The following LARP4 variants were observed in gnomAD, a reference collection of about 807,000 sequenced individuals.
LARP4 encodes the protein la-related protein 4.
In LARP4, 29 loss-of-function variants were observed where a neutral mutation model predicts 92.9. That is an observed-to-expected ratio of 0.31 (90% confidence interval 0.23 to 0.43). LARP4 has a LOEUF of 0.43. LARP4 is among the 20% of genes least tolerant of loss of function. The pLI, the probability that LARP4 is intolerant of heterozygous loss-of-function variation, is 1.00. For missense variants in LARP4, 732 were observed against 860.0 expected (o/e 0.85, Z 1.86); for synonymous variants, 279 against 284.1 (o/e 0.98, Z 0.18).
Position 50,476,850 on chromosome 12 carries a change from C to T in LARP4, c.*986C>T, listed in dbSNP as rs895418073. ...GTCTAGTCAAATCATATAAATTGTT[C>T]TAAATTTCAGAATTGAACATTGAAG... On this transcript the variant is annotated 3_prime_UTR_variant, in exon 16 of 16. Coordinates refer to ENST00000398473, the MANE Select transcript of LARP4 (RefSeq NM_052879.5). 20 of 152,442 alleles carry T rather than the reference C, an allele frequency of 1.3e-4. No homozygotes were observed. Among genetic ancestry groups the T allele is most frequent in the Non-Finnish European group, 2.4e-4 (16 of 68,014 alleles). 9.4% of individuals were successfully genotyped at this position (152,442 alleles called of 1,614,324 possible).
intron 8 of LARP4, among the ~76,000 whole-genome samples, chr12:50,443,127 A>G (rs1282366669): frequency 1.3e-5 from 2 of 152,148 alleles, no homozygotes; most frequent in East Asian, 3.8e-4. Flanking sequence ...ATTTTTCCCC[A>G]TATATGGAAA....
At chr12:50,438,876 AAAG>A (rs1950814644) in intron 6 of LARP4, among the ~76,000 whole-genome samples, 2 of 152,250 alleles carry the variant, frequency 1.3e-5, no homozygotes, top group Admixed American at 6.5e-5. Flanking sequence ...GATATACATT[AAAG>A]AAGATGAGGA....
intron 1 of LARP4, among the ~76,000 whole-genome samples, chr12:50,403,367 T>C (rs1217285457): frequency 1.3e-5 from 2 of 152,240 alleles, no homozygotes; most frequent in Non-Finnish European, 2.9e-5. Flanking sequence ...GTATGTGACC[T>C]TGTCACCAAG....
intron 1 of LARP4, among the ~76,000 whole-genome samples, chr12:50,421,551 A>G (rs1056508868): frequency 1.3e-4 from 19 of 151,992 alleles, no homozygotes; most frequent in African/African-American, 1.9e-4. Context: ...CTGAGGCAGG[A>G]GGAGAATCGC....
chr12:50,467,022 A>G lies in LARP4; in HGVS notation c.1447A>G (p.Asn483Asp). ...PTPKFDLLAS[N>D]FPPLPGSSSR... ...ACCAAAGTTTGACTTATTAGCCTCA[A>G]ATTTTCCACCTTTACCTGGAAGTTC... Residue 483 changes from asparagine to aspartate, a missense_variant, in exon 13 of 16, where the codon AAT becomes GAT. Asn to Asp is a conservative substitution (Grantham distance 23, BLOSUM62 1). This residue lies in a region of LARP4 where 264 missense variants were observed against 269.5 expected (regional missense o/e 0.98). Transcript: ENST00000398473. 6.2e-7 allele frequency: 1 copy of G among 1,613,774 alleles called. No homozygotes were observed. Among genetic ancestry groups the G allele is most frequent in the South Asian group, 1.1e-5 (1 of 91,050 alleles).
At chr12:50,428,231 T>C (rs1462507384) in intron 2 of LARP4, among the ~76,000 whole-genome samples, 1 of 152,088 alleles carries the variant, frequency 6.6e-6, no homozygotes. Flanking sequence ...TTTCACCATA[T>C]TGGCCAGGCT....
chr12:50,461,803 C>G (rs751552753), intron 11 of LARP4, among the ~76,000 whole-genome samples: 12 of 151,884 alleles, frequency 7.9e-5, no homozygotes, highest in Non-Finnish European at 1.2e-4. Context: ...TGAAAAAATA[C>G]AAAAATTAGC....
Position 50,461,320 on chromosome 12 carries a change from A to C in LARP4, c.1307A>C (p.Glu436Ala). ...LQKETSTLQV[E>A]QNGDYGRGRR... ...AAGGAGACTTCCACTTTGCAGGTGG[A>C]ACAGAATGGGGACTATGGTAGGGGC... The change falls in exon 11 of 16, where the codon GAA becomes GCA. Residue 436 changes from glutamate to alanine, a missense_variant. Physicochemically the swap from Glu to Ala is moderately radical, Grantham distance 107. Transcript: ENST00000398473. 1.9e-6 allele frequency: 3 copies of C among 1,614,132 alleles called. No individual in the cohort carries two copies. Among genetic ancestry groups the C allele is most frequent in the Non-Finnish European group, 2.5e-6 (3 of 1,180,012 alleles).
At position 50,421,073 on chromosome 12, in the gene LARP4, C is replaced by T. The variant is rs574209950; in HGVS notation, c.19-6689C>T. Among the ~76,000 whole-genome samples the T allele has an allele frequency of 9.9e-5, 15 of 150,892 alleles. No homozygotes were observed. In the South Asian group the frequency reaches 3.2e-3, roughly 32 times the overall value. On this transcript the variant is annotated intron_variant, in intron 1 of 15. Coordinates refer to ENST00000398473, the MANE Select transcript of LARP4 (RefSeq NM_052879.5). The stretch of plus-strand genomic sequence containing the variant: ...CAAGCGATTCTACTGCCTCAGCTTC[C>T]CAAGTAGCTGGGACTGCAGGTGCAT...
Position 50,476,840 on chromosome 12 carries a change from A to G in LARP4, c.*976A>G, listed in dbSNP as rs1196650415. 1 of 152,612 alleles carries G rather than the reference A, an allele frequency of 6.6e-6. No homozygotes were observed. The highest frequency in any genetic ancestry group is 1.5e-5 in the Non-Finnish European group (1 of 68,032). 9.5% of individuals were successfully genotyped at this position (152,612 alleles called of 1,614,324 possible). ...GCTTTGAGCAGTCTAGTCAAATCATATAAATTGTTCTAAATTTCAGAATTG... is the reference window on the plus strand; with the variant it reads ...GCTTTGAGCAGTCTAGTCAAATCATGTAAATTGTTCTAAATTTCAGAATTG... On this transcript the variant is annotated 3_prime_UTR_variant, in exon 16 of 16. Transcript: ENST00000398473.
chr12:50,461,589 C>T (rs1210328503), intron 11 of LARP4: 10 of 420,122 alleles, frequency 2.4e-5, no homozygotes, highest in African/African-American at 8.3e-5. Context: ...TTCCTTATAG[C>T]TCATATAAGA....
chr12:50,405,013 C>T (rs1299033517), intron 1 of LARP4, among the ~76,000 whole-genome samples: 1 of 151,420 alleles, frequency 6.6e-6, no homozygotes, highest in East Asian at 1.9e-4. Flanking sequence ...GCCTCAGCCT[C>T]CCTAGTAGCT....
intron 4 of LARP4, among the ~76,000 whole-genome samples, chr12:50,432,279 ACT>A (rs1225561577): frequency 6.6e-6 from 1 of 152,174 alleles, no homozygotes; most frequent in Admixed American, 6.5e-5. Context: ...AGGTGATATA[ACT>A]CTAGACAGAG....
At chr12:50,439,967 G>A (rs952853572) in intron 6 of LARP4, among the ~76,000 whole-genome samples, 1 of 152,178 alleles carries the variant, frequency 6.6e-6, no homozygotes, top group African/African-American at 2.4e-5. Flanking sequence ...GATTAAATGA[G>A]AATGCGTGAA....
At chr12:50,437,432 TATACAA>T (rs1950596673) in intron 5 of LARP4, among the ~76,000 whole-genome samples, 2 of 151,818 alleles carry the variant, frequency 1.3e-5, no homozygotes, top group Admixed American at 1.3e-4. Context: ...TTGGTTATTA[TATACAA>T]GAAATTTGCC....
intron 4 of LARP4, among the ~76,000 whole-genome samples, chr12:50,431,636 G>A (rs1461220175): frequency 6.6e-6 from 1 of 152,116 alleles, no homozygotes; most frequent in African/African-American, 2.4e-5. Flanking sequence ...CATGAGGTCA[G>A]GGGTTCAAGA....
Position 50,475,720 on chromosome 12 carries a change from T to C in LARP4, c.2031T>C (p.Ser677=). ...KPEARASKDY[S]GFRGNIIPRG... ...AAGCAAGGGCTAGTAAGGATTATTC[T>C]GGCTTCCGAGGCAATATAATCCCCA... Residue 677 remains serine (S), a synonymous_variant, in exon 16 of 16, where the codon TCT becomes TCC. Transcript: ENST00000398473. 6.2e-7 allele frequency: 1 copy of C among 1,614,148 alleles called. No homozygotes were observed. Among genetic ancestry groups the C allele is most frequent in the Non-Finnish European group, 8.5e-7 (1 of 1,180,046 alleles).
intron 10 of LARP4, among the ~76,000 whole-genome samples, chr12:50,455,787 T>G (rs922086382): frequency 6.6e-6 from 1 of 152,064 alleles, no homozygotes; most frequent in Non-Finnish European, 1.5e-5. Flanking sequence ...TTAGAAAAAT[T>G]TTACTACTAA....
chr12:50,420,143 A>AG (rs1180361230), intron 1 of LARP4, among the ~76,000 whole-genome samples: 1 of 152,200 alleles, frequency 6.6e-6, no homozygotes, highest in Non-Finnish European at 1.5e-5. Flanking sequence ...CAGAAACAAA[A>AG]AAGTTGATCA....
Sources: allele counts gnomAD v4.1 joint callset (sites outside exome capture counted in the v4.1 genomes callset), GRCh38; gene constraint gnomAD v4.1.1; regional missense constraint gnomAD v4.1.1; transcripts MANE v1.5; gene names NCBI Gene and HGNC (gene_info 2026-07-23, HGNC 2026-07-21).